The following PDE8A variants were observed in gnomAD, a reference collection of about 807,000 sequenced individuals.
PDE8A encodes high affinity cAMP-specific and IBMX-insensitive 3',5'-cyclic phosphodiesterase 8A.
In PDE8A, 59 loss-of-function variants were observed where a neutral mutation model predicts 105.0. The observed-to-expected ratio is 0.56, with a 90% CI of 0.46 to 0.70. The LOEUF is 0.70. Among genes scored for constraint, PDE8A ranks in the 30% least tolerant of loss-of-function variants. The probability of loss-of-function intolerance (pLI) is 0.00; values close to 1 mark genes in which losing one functional copy is unlikely to be tolerated. For missense variants in PDE8A, 1,014 were observed against 1,045.9 expected, an observed-to-expected ratio of 0.97 and a Z score of 0.42; for synonymous variants, 355 against 371.9, an observed-to-expected ratio of 0.95 and a Z score of 0.52.
At chr15:84,998,308 T>TG (rs1179542053) in intron 1 of PDE8A, among the ~76,000 whole-genome samples, 1 of 152,238 alleles carries the variant, frequency 6.6e-6, no homozygotes, top group East Asian at 1.9e-4. Context: ...TTTATATTCA[T>TG]GGGAAGTGAA....
At chr15:85,103,786 G>C (rs543686640) in intron 11 of PDE8A, among the ~76,000 whole-genome samples, 1 of 152,276 alleles carries the variant, frequency 6.6e-6, no homozygotes, top group Non-Finnish European at 1.5e-5. Context: ...GTTGAGATCT[G>C]GTTATAGGGT....
intron 2 of PDE8A, among the ~76,000 whole-genome samples, chr15:85,066,455 C>G (rs150273749): frequency 0.013 from 1,928 of 152,086 alleles, 13 homozygotes; most frequent in Non-Finnish European, 0.019. Flanking sequence ...CTCCCAGCCA[C>G]TGGGGGCTCT....
intron 1 of PDE8A, among the ~76,000 whole-genome samples, chr15:84,996,910 G>GA (rs2079988468): frequency 1.3e-5 from 2 of 150,314 alleles, no homozygotes; most frequent in South Asian, 4.2e-4. Context: ...GGAAGCTGCT[G>GA]AGTGAGTCAG....
At chr15:84,995,040 G>A (rs1160030150) in intron 1 of PDE8A, among the ~76,000 whole-genome samples, 1 of 151,838 alleles carries the variant, frequency 6.6e-6, no homozygotes, top group African/African-American at 2.4e-5. Flanking sequence ...GCATGAATTT[G>A]ATATTTGCTT....
At position 84,981,966 on chromosome 15, in the gene PDE8A, C is replaced by T. The variant is rs1171171925; in HGVS notation, c.-197C>T. 13 of 288,030 alleles carry T rather than the reference C, an allele frequency of 4.5e-5. No individual in the cohort carries two copies. Among genetic ancestry groups the T allele is most frequent in the Non-Finnish European group, 8.2e-5 (13 of 157,748 alleles). The allele number at this position is 288,030 out of a possible 1,614,324, so 17.8% of individuals were successfully genotyped here. ...GCCACCCGCCTAAGCGCCCCCTTCC[C>T]ACCGCAGCCGCCGCCGCCGCAGCGC... On this transcript the variant is annotated 5_prime_UTR_variant, in exon 1 of 22. Transcript: ENST00000394553.
At chr15:85,071,096 A>G (rs1483726486) in intron 3 of PDE8A, among the ~76,000 whole-genome samples, 2 of 152,238 alleles carry the variant, frequency 1.3e-5, no homozygotes. Flanking sequence ...AGAGAACAGA[A>G]AAGGATAGGA....
chr15:85,048,752 G>A (rs2080924985), intron 1 of PDE8A, among the ~76,000 whole-genome samples: 1 of 152,168 alleles, frequency 6.6e-6, no homozygotes, highest in Non-Finnish European at 1.5e-5. Flanking sequence ...CCTGTACCGT[G>A]AGAGTATGAT....
chr15:85,042,807 A>ATCT (rs2080831010), intron 1 of PDE8A, among the ~76,000 whole-genome samples: 1 of 152,202 alleles, frequency 6.6e-6, no homozygotes, highest in Non-Finnish European at 1.5e-5. Context: ...AATCTTCACA[A>ATCT]TCACTATTTT....
intron 1 of PDE8A, among the ~76,000 whole-genome samples, chr15:85,024,519 G>A (rs1183851024): frequency 1.3e-5 from 2 of 150,922 alleles, no homozygotes; most frequent in Non-Finnish European, 2.9e-5. Context: ...TTTCTATGTG[G>A]GCCAGTCAGT....
At chr15:85,085,645 A>G (rs566122580) in intron 6 of PDE8A, among the ~76,000 whole-genome samples, 3 of 151,810 alleles carry the variant, frequency 2.0e-5, no homozygotes, top group Non-Finnish European at 4.4e-5. Context: ...ATTGCACTCC[A>G]GCCTGGGCAA....
intron 6 of PDE8A, among the ~76,000 whole-genome samples, chr15:85,085,018 A>G (rs909330544): frequency 6.6e-6 from 1 of 152,070 alleles, no homozygotes; most frequent in Non-Finnish European, 1.5e-5. Flanking sequence ...TAGTCTCCCT[A>G]TGTCTAGTCT....
chr15:85,102,481 T>C (rs2081879182), intron 11 of PDE8A, among the ~76,000 whole-genome samples: 1 of 151,506 alleles, frequency 6.6e-6, no homozygotes. Flanking sequence ...TGGAGAGTCC[T>C]ACACCACAAG....
chr15:85,136,439 G>A (rs2082411077), intron 20 of PDE8A, 95 bp from the exon 21 acceptor site: 1 of 1,365,494 alleles, frequency 7.3e-7, no homozygotes, highest in African/African-American at 1.4e-5. Flanking sequence ...AGCCACCTTA[G>A]GCTGCCAGGA....
chr15:85,067,843 T>G (rs1401230821), intron 3 of PDE8A, among the ~76,000 whole-genome samples: 1 of 152,132 alleles, frequency 6.6e-6, no homozygotes, highest in Non-Finnish European at 1.5e-5. Context: ...GGGTATGTGG[T>G]GACGTCAACA....
chr15:85,005,874 C>G (rs761512409), intron 1 of PDE8A, among the ~76,000 whole-genome samples: 11 of 152,056 alleles, frequency 7.2e-5, no homozygotes, highest in Non-Finnish European at 1.5e-4. Flanking sequence ...ATGGCGAGAA[C>G]TGACCAATTA....
intron 1 of PDE8A, among the ~76,000 whole-genome samples, chr15:84,986,000 G>A (rs1035783811): frequency 1.3e-5 from 2 of 152,160 alleles, no homozygotes; most frequent in African/African-American, 4.8e-5. Context: ...CAAGGCAGAA[G>A]GATTGCTAGA....
At chr15:85,019,512 T>C (rs1378523117) in intron 1 of PDE8A, among the ~76,000 whole-genome samples, 1 of 152,156 alleles carries the variant, frequency 6.6e-6, no homozygotes, top group East Asian at 1.9e-4. Context: ...TGTCAGCCCC[T>C]ACCGAATAGC....
chr15:85,075,850 GT>G lies in PDE8A; in HGVS notation c.435-4del, dbSNP rs772140988. 74 of 1,412,920 alleles carry G rather than the reference GT, an allele frequency of 5.2e-5. No homozygotes were observed. Among genetic ancestry groups the G allele is most frequent in the South Asian group, 6.4e-5 (5 of 78,002 alleles). 87.5% of individuals were successfully genotyped at this position (1,412,920 alleles called of 1,614,324 possible). A position where few individuals can be genotyped will look rare whatever the true frequency, so the allele number is the denominator to read the frequency against. On this transcript the variant is annotated splice_polypyrimidine_tract_variant and intron_variant, in intron 3 of 21. Coordinates refer to ENST00000394553, the MANE Select transcript of PDE8A (RefSeq NM_002605.3). ...TTTTATATTTATTTTAAAGTTTTGTGTTTTTTTTAAGGTCTATCAGATCATC... is the reference window on the plus strand; with the variant it reads ...TTTTATATTTATTTTAAAGTTTTGTGTTTTTTTAAGGTCTATCAGATCATC...
At chr15:85,042,358 C>T (rs1347256472) in intron 1 of PDE8A, among the ~76,000 whole-genome samples, 3 of 151,976 alleles carry the variant, frequency 2.0e-5, no homozygotes, top group Non-Finnish European at 4.4e-5. Context: ...GTAGAGACAG[C>T]ATCTCGCTAT....
Sources: gnomAD v4.1 joint callset for allele counts (sites outside exome capture counted in the v4.1 genomes callset) on GRCh38, gnomAD v4.1.1 for gene constraint, MANE v1.5 for transcripts, NCBI Gene and HGNC (gene_info 2026-07-23, HGNC 2026-07-21) for gene names.